SYN3: variants seen among roughly 807,000 people sequenced by gnomAD.
The protein encoded by SYN3 is synapsin-3.
SYN3 carries 35 observed loss-of-function variants against 65.8 expected under a neutral mutation model. That is an observed-to-expected ratio of 0.53 (90% CI 0.41 to 0.70). SYN3 has a LOEUF of 0.70. SYN3 is among the 30% of genes least tolerant of loss of function. SYN3 has a pLI of 0.00. For synonymous variants in SYN3, 270 were observed against 292.9 expected (o/e 0.92, Z 0.80); for missense variants, 680 against 749.0 (o/e 0.91, Z 1.08).
rs368533806 is a variant in SYN3, at chr22:32,749,053, T to G, written c.711+115862A>C. Among the ~76,000 whole-genome samples the G allele has an allele frequency of 3.7e-4, 56 of 152,248 alleles. No homozygotes were observed. The South Asian group carries it at 4.2e-3, about 11-fold the overall frequency. On this transcript the variant is annotated intron_variant, in intron 6 of 13. Coordinates refer to ENST00000358763, the MANE Select transcript of SYN3 (RefSeq NM_003490.4). ...AATCCACTTGGGTAGCTGTAACACA[T>G]TACCAAAGACTGAGGCACTCATAAA... is the stretch of plus-strand genomic sequence containing the variant.
chr22:32,944,704 C>T (rs1046200906), intron 3 of SYN3, among the ~76,000 whole-genome samples: 20 of 152,120 alleles, frequency 1.3e-4, no homozygotes, highest in African/African-American at 4.3e-4. Flanking sequence ...GGCAATCAGG[C>T]AGGAGAAAGA....
chr22:32,602,901 T>C (rs1008070487), intron 6 of SYN3, among the ~76,000 whole-genome samples: 3 of 152,288 alleles, frequency 2.0e-5, no homozygotes, highest in Admixed American at 2.0e-4. Flanking sequence ...CACATGTCCT[T>C]ATGAGCTAGT....
chr22:32,911,038 CCCAAGAAGTCA>C (rs1376703287), intron 4 of SYN3, among the ~76,000 whole-genome samples: 1 of 152,126 alleles, frequency 6.6e-6, no homozygotes, highest in Non-Finnish European at 1.5e-5. Context: ...TTGCTCTTGA[CCCAAGAAGTCA>C]CACACAGACA....
chr22:32,806,051 G>T (rs2046726350), intron 6 of SYN3, among the ~76,000 whole-genome samples: 1 of 151,738 alleles, frequency 6.6e-6, no homozygotes, highest in Non-Finnish European at 1.5e-5. Context: ...AAAAGGACTT[G>T]GTTTGTCTCA....
chr22:32,777,535 A>G (rs994437749), intron 6 of SYN3, among the ~76,000 whole-genome samples: 1 of 152,134 alleles, frequency 6.6e-6, no homozygotes, highest in Non-Finnish European at 1.5e-5. Flanking sequence ...TAAACATTCT[A>G]TCATCAGTTC....
chr22:32,717,392 C>T (rs142581829), intron 6 of SYN3, among the ~76,000 whole-genome samples: 8 of 152,286 alleles, frequency 5.3e-5, no homozygotes, highest in Admixed American at 1.3e-4. Context: ...TCTCCCATAT[C>T]GGGTGAATGA....
At chr22:32,700,073 C>T (rs1218857519) in intron 6 of SYN3, among the ~76,000 whole-genome samples, 1 of 152,142 alleles carries the variant, frequency 6.6e-6, no homozygotes, top group East Asian at 1.9e-4. Flanking sequence ...TTCCAACAAT[C>T]GAAAATTTCT....
chr22:32,574,198 G>A (rs2058819997), intron 7 of SYN3, among the ~76,000 whole-genome samples: 1 of 151,986 alleles, frequency 6.6e-6, no homozygotes, highest in African/African-American at 2.4e-5. Context: ...CCACCATCGT[G>A]AGCCGGGTAC....
chr22:32,718,722 G>C (rs542061599), intron 6 of SYN3, among the ~76,000 whole-genome samples: 1 of 151,332 alleles, frequency 6.6e-6, no homozygotes, highest in East Asian at 1.9e-4. Context: ...CCAAGAGATA[G>C]GTTTAACATA....
intron 6 of SYN3, among the ~76,000 whole-genome samples, chr22:32,658,553 T>G (rs1353203520): frequency 6.6e-6 from 1 of 152,212 alleles, no homozygotes; most frequent in Non-Finnish European, 1.5e-5. Flanking sequence ...CTTTGCAATT[T>G]ACACAGGCTA....
At chr22:32,738,504 G>T (rs918342841) in intron 6 of SYN3, among the ~76,000 whole-genome samples, 2 of 152,236 alleles carry the variant, frequency 1.3e-5, no homozygotes, top group Admixed American at 1.3e-4. Flanking sequence ...TGAAGAAAGT[G>T]CTTCCTGATA....
At position 32,714,982 on chromosome 22, in the gene SYN3, G is replaced by A. The variant is rs541468321; in HGVS notation, c.712-118246C>T. On this transcript the variant is annotated intron_variant, in intron 6 of 13. Coordinates refer to ENST00000358763, the MANE Select transcript of SYN3 (RefSeq NM_003490.4). ...ATCTTTGCATGGAACAACTTTCCCC[G>A]AAGTATGTTCTGCGGAGCGCTCCTT... is the stretch of plus-strand genomic sequence containing the variant. Among the ~76,000 whole-genome samples, 10 of 152,188 alleles carry A rather than the reference G, an allele frequency of 6.6e-5. No individual in the cohort carries two copies. The South Asian group carries it at 8.3e-4, about 13-fold the overall frequency.
chr22:32,529,161 C>G (rs1569007395), intron 10 of SYN3, 153 bp from the exon 11 acceptor site: 3 of 890,982 alleles, frequency 3.4e-6, no homozygotes, highest in Non-Finnish European at 5.2e-6. Flanking sequence ...TGGGACTGGC[C>G]GGCAGCGACA....
chr22:32,798,870 G>T (rs2046494196), intron 6 of SYN3, among the ~76,000 whole-genome samples: 1 of 151,748 alleles, frequency 6.6e-6, no homozygotes, highest in Non-Finnish European at 1.5e-5. Flanking sequence ...TTTTTGTGTT[G>T]TTAGTACAGA....
At chr22:32,890,720 C>A (rs547112571) in intron 4 of SYN3, among the ~76,000 whole-genome samples, 3 of 152,172 alleles carry the variant, frequency 2.0e-5, no homozygotes, top group East Asian at 3.9e-4. Context: ...CACGCCACTT[C>A]TTCTTTTGGG....
At chr22:32,644,304 T>C (rs973892543) in intron 6 of SYN3, among the ~76,000 whole-genome samples, 5 of 151,852 alleles carry the variant, frequency 3.3e-5, no homozygotes, top group Non-Finnish European at 4.4e-5. Context: ...TATAAGCAGA[T>C]AGTCAACCGT....
chr22:32,712,607 ACT>A (rs1330742351), intron 6 of SYN3, among the ~76,000 whole-genome samples: 1 of 151,588 alleles, frequency 6.6e-6, no homozygotes, highest in Non-Finnish European at 1.5e-5. Flanking sequence ...TTTCCCAGAA[ACT>A]CTGTTGTGGC....
intron 4 of SYN3, among the ~76,000 whole-genome samples, chr22:32,889,556 G>A (rs1174234919): frequency 6.6e-6 from 1 of 152,164 alleles, no homozygotes; most frequent in African/African-American, 2.4e-5. Context: ...AGGATGTAAA[G>A]ATAATGTTTA....
intron 6 of SYN3, among the ~76,000 whole-genome samples, chr22:32,814,943 A>T (rs5754297): frequency 0.049 from 7,393 of 152,330 alleles, 219 homozygotes; most frequent in African/African-American, 0.062. Context: ...TATGTATAAA[A>T]TATGACCATT....
Sources: allele counts gnomAD v4.1 joint callset (sites outside exome capture counted in the v4.1 genomes callset), GRCh38; gene constraint gnomAD v4.1.1; transcripts MANE v1.5; gene names NCBI Gene and HGNC (gene_info 2026-07-23, HGNC 2026-07-21).